ITPR2: variants seen among roughly 807,000 people sequenced by gnomAD.
The protein encoded by ITPR2 is inositol 1,4,5-trisphosphate-gated calcium channel ITPR2.
A neutral mutation model predicts 317.1 loss-of-function variants in ITPR2; 207 were observed. That is an observed-to-expected ratio of 0.65 (90% confidence interval 0.58 to 0.73). The LOEUF (loss-of-function observed/expected upper bound fraction) is 0.73. Ranked by LOEUF, ITPR2 falls within the 30% of genes least tolerant of loss-of-function variation. The probability of loss-of-function intolerance (pLI) is 0.00; values close to 1 mark genes in which losing one functional copy is unlikely to be tolerated. For synonymous variants in ITPR2, 1,156 were observed against 1,149.1 expected (o/e 1.01, Z -0.12); for missense variants, 2,613 against 3,284.0 (o/e 0.80, Z 4.99).
intron 55 of ITPR2, among the ~76,000 whole-genome samples, chr12:26,343,567 TA>T (rs544602770): frequency 1.3e-5 from 2 of 152,234 alleles, no homozygotes; most frequent in South Asian, 2.1e-4. Context: ...TACCACCATT[TA>T]AAAAAAATCA....
At chr12:26,579,622 TTTAA>T (rs1945349849) in intron 33 of ITPR2, among the ~76,000 whole-genome samples, 1 of 152,112 alleles carries the variant, frequency 6.6e-6, no homozygotes, top group Admixed American at 6.6e-5. Flanking sequence ...TTTAAGGATG[TTTAA>T]TTGATTAAAT....
At position 26,336,022 on chromosome 12, in the gene ITPR2, G is replaced by GA. The variant is rs1040116940; in HGVS notation, c.*3374dup. 6.6e-6 allele frequency: 1 copy of GA among 152,250 alleles called. No homozygotes were observed. The highest frequency in any genetic ancestry group is 2.4e-5 in the African/African-American group (1 of 41,466). The allele number at this position is 152,250 out of a possible 1,614,324, so 9.4% of individuals were successfully genotyped here. On this transcript the variant is annotated 3_prime_UTR_variant, in exon 57 of 57. Transcript: ENST00000381340. ...ACACAGCTTTGTTCTCTGCATGGGT[G>GA]AGGGGTATCTCTGGGGTCCATCAAC...
At chr12:26,394,287 T>C (rs1029946881) in intron 54 of ITPR2, among the ~76,000 whole-genome samples, 2 of 152,162 alleles carry the variant, frequency 1.3e-5, no homozygotes, top group African/African-American at 4.8e-5. Context: ...TTTTCTTTGA[T>C]ATGAGAATGC....
At chr12:26,451,367 A>T (rs1380585257) in intron 45 of ITPR2, among the ~76,000 whole-genome samples, 1 of 18,930 alleles carries the variant, frequency 5.3e-5, no homozygotes. Context: ...CTCTCATATC[A>T]CACACACACA....
chr12:26,757,534 A>G (rs1287538723), intron 2 of ITPR2, among the ~76,000 whole-genome samples: 1 of 152,036 alleles, frequency 6.6e-6, no homozygotes, highest in Non-Finnish European at 1.5e-5. Flanking sequence ...TTAATTTCTT[A>G]ATAAATTTGC....
At chr12:26,616,998 C>A (rs1419335984) in intron 26 of ITPR2, among the ~76,000 whole-genome samples, 1 of 152,128 alleles carries the variant, frequency 6.6e-6, no homozygotes, top group Non-Finnish European at 1.5e-5. Context: ...TCACACAACA[C>A]AGAAAATATA....
At chr12:26,635,676 C>T (rs1437337895) in intron 21 of ITPR2, among the ~76,000 whole-genome samples, 1 of 152,170 alleles carries the variant, frequency 6.6e-6, no homozygotes, top group Non-Finnish European at 1.5e-5. Flanking sequence ...CATCTGAAAC[C>T]GAATGATGTT....
intron 8 of ITPR2, 60 bp from the exon 9 acceptor site, chr12:26,711,328 A>G: frequency 8.7e-7 from 1 of 1,155,346 alleles, no homozygotes; most frequent in Non-Finnish European, 1.3e-6. Context: ...GCAAGCAAAC[A>G]CCAACAGTTT....
In ITPR2 at chr12:26,483,656, A is replaced by G. The variant is rs184694633; in HGVS notation, c.6012+42T>C. 9 of 1,455,352 alleles carry G rather than the reference A, an allele frequency of 6.2e-6. No homozygotes were observed. In the East Asian group the frequency reaches 1.6e-4, roughly 26 times the overall value. The allele number at this position is 1,455,352 out of a possible 1,614,324, so 90.2% of individuals were successfully genotyped here. Reference sequence around the variant, plus strand: ...CACACAAAGATTGGCTCCTTCCCCAAATTAATCCCTTTACTAATTAGTCAT... The same window carrying G: ...CACACAAAGATTGGCTCCTTCCCCAGATTAATCCCTTTACTAATTAGTCAT... On this transcript the variant is annotated intron_variant, in intron 42 of 56. Transcript: ENST00000381340.
At chr12:26,416,045 T>G (rs1207207434) in intron 50 of ITPR2, among the ~76,000 whole-genome samples, 1 of 152,162 alleles carries the variant, frequency 6.6e-6, no homozygotes. Context: ...GTATGAAATA[T>G]AAAACTATTT....
At chr12:26,424,241 A>G (rs1346730703) in intron 49 of ITPR2, among the ~76,000 whole-genome samples, 1 of 152,240 alleles carries the variant, frequency 6.6e-6, no homozygotes, top group Admixed American at 6.5e-5. Context: ...GCGAAGACAG[A>G]TCAGGCTTTA....
chr12:26,365,960 A>C (rs1938995071), intron 55 of ITPR2, among the ~76,000 whole-genome samples: 1 of 152,240 alleles, frequency 6.6e-6, no homozygotes, highest in South Asian at 2.1e-4. Context: ...ACAAAATAAA[A>C]ATAACACGTA....
At chr12:26,796,343 T>A (rs887399229) in intron 1 of ITPR2, among the ~76,000 whole-genome samples, 9 of 152,210 alleles carry the variant, frequency 5.9e-5, no homozygotes, top group Non-Finnish European at 1.2e-4. Context: ...TAATATCTTT[T>A]AGAAGTCCGA....
At chr12:26,443,498 T>C (rs755655952) in intron 46 of ITPR2, 45 bp downstream of exon 46, 1 of 1,454,910 alleles carries the variant, frequency 6.9e-7, no homozygotes, top group Non-Finnish European at 9.6e-7. Context: ...GAAGTAAGCA[T>C]AACTTTTCAC....
At chr12:26,793,621 TACTC>T (rs1205237767) in intron 1 of ITPR2, among the ~76,000 whole-genome samples, 8 of 152,300 alleles carry the variant, frequency 5.3e-5, no homozygotes, top group Non-Finnish European at 5.9e-5. Flanking sequence ...ATTTCTGTCT[TACTC>T]ACCATTATAG....
intron 55 of ITPR2, among the ~76,000 whole-genome samples, chr12:26,366,722 T>C (rs942187442): frequency 2.0e-5 from 3 of 152,186 alleles, no homozygotes; most frequent in African/African-American, 7.2e-5. Flanking sequence ...AAGCAACCTG[T>C]AGAGCAGTCA....
intron 2 of ITPR2, among the ~76,000 whole-genome samples, chr12:26,772,050 C>T (rs1050362549): frequency 6.6e-6 from 1 of 152,060 alleles, no homozygotes; most frequent in African/African-American, 2.4e-5. Context: ...TACCGTGTAA[C>T]AGCTGCAGAA....
intron 50 of ITPR2, among the ~76,000 whole-genome samples, chr12:26,416,641 C>A (rs1371583497): frequency 6.6e-6 from 1 of 152,082 alleles, no homozygotes; most frequent in Non-Finnish European, 1.5e-5. Context: ...TGCTATTTTA[C>A]GATGGTTAAA....
chr12:26,644,429 G>T (rs1309652246), intron 21 of ITPR2, among the ~76,000 whole-genome samples: 1 of 152,114 alleles, frequency 6.6e-6, no homozygotes, highest in African/African-American at 2.4e-5. Context: ...GAATCTGCTG[G>T]CACCATTATA....
Sources: allele counts gnomAD v4.1 joint callset (sites outside exome capture counted in the v4.1 genomes callset), GRCh38; gene constraint gnomAD v4.1.1; transcripts MANE v1.5; gene names NCBI Gene and HGNC (gene_info 2026-07-23, HGNC 2026-07-21).